The following TNRC18 variants were observed in gnomAD, a reference collection of about 807,000 sequenced individuals.
TNRC18 encodes the protein trinucleotide repeat containing 18.
Under a neutral mutation model 226.7 loss-of-function variants are expected in TNRC18, and 69 were observed. That is an observed-to-expected ratio of 0.30 (90% CI 0.25 to 0.37). The LOEUF (loss-of-function observed/expected upper bound fraction) is 0.37, where lower values mean the gene tolerates loss of function less well. TNRC18 is among the 10% of genes least tolerant of loss of function. The pLI is 1.00. For missense variants in TNRC18, 4,754 were observed against 4,256.6 expected, an observed-to-expected ratio of 1.12 and a Z score of -3.25; for synonymous variants, 2,449 against 1,927.6, an observed-to-expected ratio of 1.27 and a Z score of -7.09.
At position 5,313,191 on chromosome 7, in the gene TNRC18, C is replaced by T; in HGVS notation, c.7700G>A (p.Ser2567Asn). The change falls in exon 27 of 30, where the codon AGC becomes AAC. Residue 2567 changes from serine to asparagine, a missense_variant. Coordinates refer to ENST00000430969, the MANE Select transcript of TNRC18 (RefSeq NM_001080495.3). ...GCTGCTGCTGCTGCTGCTGCTACTG[C>T]TGCCACTACTGCTGCTGCTGCTGCT... ...SESSSSSSSGSSSSSSSSSSS... is the reference protein window; with the variant it reads ...SESSSSSSSGNSSSSSSSSSS... 1 of 1,541,582 alleles carries T rather than the reference C, an allele frequency of 6.5e-7. No homozygotes were observed.
chr7:5,323,266 C>A (rs2128116595), intron 21 of TNRC18, among the ~76,000 whole-genome samples: 1 of 152,214 alleles, frequency 6.6e-6, no homozygotes, highest in South Asian at 2.1e-4. Flanking sequence ...CTGGGCGTGA[C>A]TTCCCGATTG....
rs763674155 is a variant in TNRC18, at chr7:5,388,356, C to T, written c.1468G>A (p.Ala490Thr). The T allele has an allele frequency of 3.2e-6, 5 of 1,575,830 alleles. No homozygotes were observed. The African/African-American group carries it at 6.8e-5, about 22-fold the overall frequency. ...RGPAGPAAQQ[A>T]AKLFGLEPGR... ...GGCTCCAGGCCGAAGAGCTTGGCGG[C>T]CTGTTGGGCTGCAGGACCGGCTGGG... The change falls in exon 5 of 30, where the codon GCC becomes ACC. Residue 490 changes from alanine (A) to threonine (T), a missense_variant. Transcript: ENST00000430969.
At chr7:5,349,535 C>T (rs947796875) in intron 17 of TNRC18, among the ~76,000 whole-genome samples, 2 of 152,276 alleles carry the variant, frequency 1.3e-5, no homozygotes, top group Non-Finnish European at 2.9e-5. Context: ...CTGCCAGACC[C>T]GGTGGGGGCG....
intron 19 of TNRC18, among the ~76,000 whole-genome samples, 158 bp downstream of exon 19, chr7:5,332,464 C>CT (rs1329607614): frequency 6.6e-6 from 1 of 152,188 alleles, no homozygotes. Context: ...CCAGCTCCTG[C>CT]TGTGGCTAAG....
Position 5,324,114 on chromosome 7 carries a change from G to T in TNRC18, c.6442+100C>A. On this transcript the variant is annotated intron_variant, in intron 21 of 29. Coordinates refer to ENST00000430969, the MANE Select transcript of TNRC18 (RefSeq NM_001080495.3). The surrounding 1 kb of genome is among the most constrained non-coding windows in gnomAD (Gnocchi z 4.8). Reference sequence around the variant, plus strand: ...CTGCTCCTGTGGTTCCCTGCCCCCAGCTAGCCCAGCCCTTCAGTCTCAAGC... The same window carrying T: ...CTGCTCCTGTGGTTCCCTGCCCCCATCTAGCCCAGCCCTTCAGTCTCAAGC... The T allele has an allele frequency of 7.4e-7, 1 of 1,347,554 alleles. No individual in the cohort carries two copies. Among genetic ancestry groups the T allele is most frequent in the Non-Finnish European group, 1.0e-6 (1 of 1,002,720 alleles). The allele number at this position is 1,347,554 out of a possible 1,614,324, so 83.5% of individuals were successfully genotyped here.
rs759720961 is a variant in TNRC18, at chr7:5,315,023, G to A, written c.6988C>T (p.Arg2330Cys). Reference sequence around the variant, plus strand: ...GCGCTGGGTTTCCGCCCACGCCCACGGGCCTTGGCTCCTGGCTCCTCCGAC... The same window carrying A: ...GCGCTGGGTTTCCGCCCACGCCCACAGGCCTTGGCTCCTGGCTCCTCCGAC... ...AGSEEPGAKARGRGRKPSAKA... is the reference protein window; with the variant it reads ...AGSEEPGAKACGRGRKPSAKA... The change falls in exon 26 of 30, where the codon CGT becomes TGT. Residue 2330 changes from arginine to cysteine, a missense_variant. Arg to Cys is a radical substitution (Grantham distance 180). Transcript: ENST00000430969. 29 of 1,608,658 alleles carry A rather than the reference G, an allele frequency of 1.8e-5. No homozygotes were observed. Among genetic ancestry groups the A allele is most frequent in the East Asian group, 1.8e-4 (8 of 44,558 alleles).
chr7:5,320,320 C>A lies in TNRC18; in HGVS notation c.6743G>T (p.Arg2248Leu), dbSNP rs1172452201. ...GAGCTGGGGAGGAGGCATCTCACCT[C>A]GGACCACAGTGCCTGGGTAGAGACA... is the stretch of plus-strand genomic sequence containing the variant. ...YRCLYPGTVVRGLLDLEDDGD... is the reference protein window; with the variant it reads ...YRCLYPGTVVLGLLDLEDDGD... The change falls in exon 24 of 30, where the codon CGA becomes CTA. Residue 2248 changes from arginine (R) to leucine (L), a missense_variant and splice_region_variant. Physicochemically the swap from Arg to Leu is moderately radical, Grantham distance 102 (BLOSUM62 -2). Coordinates refer to ENST00000430969, the MANE Select transcript of TNRC18 (RefSeq NM_001080495.3). 2 of 1,552,092 alleles carry A rather than the reference C, an allele frequency of 1.3e-6. No homozygotes were observed. Among genetic ancestry groups the A allele is most frequent in the Non-Finnish European group, 1.7e-6 (2 of 1,147,636 alleles).
rs762484300 is a variant in TNRC18, at chr7:5,312,699, G to A, written c.8192C>T (p.Pro2731Leu). ...TPAPQPQAPP[P>L]QPTQPLQPKA... ...GGGCTGCAGAGGCTGTGTGGGCTGC[G>A]GAGGAGGCGCCTGGGGCTGGGGCGC... is the stretch of plus-strand genomic sequence containing the variant. The change falls in exon 27 of 30, where the codon CCG becomes CTG. Residue 2731 changes from proline to leucine, a missense_variant. Coordinates refer to ENST00000430969, the MANE Select transcript of TNRC18 (RefSeq NM_001080495.3). This position sits in a 1 kb window ranked among gnomAD's most constrained non-coding sequence, Gnocchi z 6.3. 20 of 1,590,136 alleles carry A rather than the reference G, an allele frequency of 1.3e-5. No homozygotes were observed. Among genetic ancestry groups the A allele is most frequent in the Middle Eastern group, 2.3e-4 (1 of 4,370 alleles).
chr7:5,395,272 G>A (rs1780592497), intron 2 of TNRC18, among the ~76,000 whole-genome samples: 1 of 152,190 alleles, frequency 6.6e-6, no homozygotes, highest in Non-Finnish European at 1.5e-5. Flanking sequence ...CGTGATGAAT[G>A]GAGCGGCAGG....
chr7:5,412,244 G>GAAA (rs55864404), intron 2 of TNRC18, among the ~76,000 whole-genome samples: 21 of 71,866 alleles, frequency 2.9e-4, no homozygotes, highest in African/African-American at 4.4e-4. Context: ...AATTCCAAAT[G>GAAA]AAAAAAAAAA....
chr7:5,374,530 C>T, intron 9 of TNRC18, 46 bp from the exon 10 acceptor site: 3 of 1,513,962 alleles, frequency 2.0e-6, no homozygotes, highest in Non-Finnish European at 2.7e-6. Context: ...CGAGTTTCCC[C>T]CTCCCCGACG....
At chr7:5,367,523 G>T (rs1470407387) in intron 11 of TNRC18, among the ~76,000 whole-genome samples, 1 of 151,126 alleles carries the variant, frequency 6.6e-6, no homozygotes. Context: ...CGCCTCCCAG[G>T]TTCAAGTGAT....
At chr7:5,404,763 A>AGAGTGTGT (rs1554301687) in intron 2 of TNRC18, among the ~76,000 whole-genome samples, 161 of 147,232 alleles carry the variant, frequency 1.1e-3, no homozygotes, top group African/African-American at 3.7e-3. Flanking sequence ...GCACACTTTC[A>AGAGTGTGT]GTGTGTGTGT....
intron 11 of TNRC18, among the ~76,000 whole-genome samples, chr7:5,369,019 C>T (rs1793904608): frequency 6.6e-6 from 1 of 152,160 alleles, no homozygotes; most frequent in Non-Finnish European, 1.5e-5. Context: ...ATCAGCGCAG[C>T]CCATGTCCCA....
chr7:5,411,364 G>C (rs748853973), intron 2 of TNRC18, among the ~76,000 whole-genome samples: 2 of 151,242 alleles, frequency 1.3e-5, no homozygotes, highest in Non-Finnish European at 2.9e-5. Context: ...CAAAATCCTA[G>C]AGGGAAGGCC....
In TNRC18 at chr7:5,313,528, C is replaced by A; in HGVS notation, c.7363G>T (p.Gly2455Trp). The A allele has an allele frequency of 6.2e-7, 1 of 1,612,340 alleles. No homozygotes were observed. Residue 2455 changes from glycine to tryptophan, a missense_variant, in exon 27 of 30, where the codon GGG (glycine) becomes TGG (tryptophan). Transcript: ENST00000430969. Reference sequence around the variant, plus strand: ...TTGACAAGCAGCTCGGCCTCCTCCCCCGGCCTCCGAGGGCCCTTGGCACCC... The same window carrying A: ...TTGACAAGCAGCTCGGCCTCCTCCCACGGCCTCCGAGGGCCCTTGGCACCC... ...ESGAKGPRRPGEEAELLVKLD... is the reference protein window; with the variant it reads ...ESGAKGPRRPWEEAELLVKLD...
chr7:5,308,809 G>C, intron 29 of TNRC18, 66 bp downstream of exon 29: 2 of 1,525,118 alleles, frequency 1.3e-6, no homozygotes, highest in Non-Finnish European at 1.8e-6. Flanking sequence ...GCCGGGCCCT[G>C]TCTGAGCTGC....
In TNRC18 at chr7:5,394,649, GC is replaced by G; in HGVS notation, c.188-55del. 2.8e-6 allele frequency: 4 copies of G among 1,411,944 alleles called. No homozygotes were observed. The highest frequency in any genetic ancestry group is 3.8e-6 in the Non-Finnish European group (4 of 1,040,502). 87.5% of individuals were successfully genotyped at this position (1,411,944 alleles called of 1,614,324 possible). On this transcript the variant is annotated intron_variant, in intron 2 of 29. Transcript: ENST00000430969. The surrounding 1 kb of genome is among the most constrained non-coding windows in gnomAD (Gnocchi z 4.5). ...GGCAGACAACCAGGGAGGCGCCGCC[GC>G]CCCAGCCCACCGCCCCGACCCACCG...
At chr7:5,383,948 A>C (rs1584004791) in intron 5 of TNRC18, among the ~76,000 whole-genome samples, 12 of 114,870 alleles carry the variant, frequency 1.0e-4, no homozygotes, top group South Asian at 6.1e-4. Context: ...ACACCAGCAT[A>C]CCCGGGTGAT....
Sources: allele counts gnomAD v4.1 joint callset (sites outside exome capture counted in the v4.1 genomes callset), GRCh38; gene constraint gnomAD v4.1.1; non-coding constraint Gnocchi (gnomAD v3.1); transcripts MANE v1.5; gene names NCBI Gene and HGNC (gene_info 2026-07-23, HGNC 2026-07-21).